The following PKNOX2 variants were observed in gnomAD, a reference collection of about 807,000 sequenced individuals.
The protein encoded by PKNOX2 is homeobox protein PKNOX2.
A neutral mutation model predicts 53.1 loss-of-function variants in PKNOX2; 14 were observed. The ratio of observed to expected loss-of-function variants is 0.26; its 90% confidence interval spans 0.17 to 0.41. The LOEUF (loss-of-function observed/expected upper bound fraction) is 0.41, where lower values mean the gene tolerates loss of function less well. PKNOX2 is among the 10% of genes least tolerant of loss of function. The pLI is 1.00. For missense variants in PKNOX2, 496 were observed against 602.8 expected (o/e 0.82, Z 1.85); for synonymous variants, 257 against 242.8 (o/e 1.06, Z -0.54).
intron 5 of PKNOX2, among the ~76,000 whole-genome samples, chr11:125,382,971 C>G (rs544283985): frequency 6.6e-6 from 1 of 152,204 alleles, no homozygotes; most frequent in Middle Eastern, 3.4e-3. Context: ...GTCTGCAGCC[C>G]TGGGGCCCAG....
At chr11:125,230,543 T>C (rs1942120472) in intron 1 of PKNOX2, among the ~76,000 whole-genome samples, 1 of 152,180 alleles carries the variant, frequency 6.6e-6, no homozygotes, top group Non-Finnish European at 1.5e-5. Flanking sequence ...TTCTGGAAGG[T>C]TGGCTTATAG....
chr11:125,288,539 C>T (rs778736221), intron 2 of PKNOX2, among the ~76,000 whole-genome samples: 23 of 152,224 alleles, frequency 1.5e-4, no homozygotes, highest in African/African-American at 2.2e-4. Flanking sequence ...TTCAAGTCCT[C>T]ATGGCCCATC....
At chr11:125,259,739 G>T (rs1036905426) in intron 2 of PKNOX2, among the ~76,000 whole-genome samples, 12 of 152,210 alleles carry the variant, frequency 7.9e-5, no homozygotes, top group Non-Finnish European at 1.0e-4. Context: ...CTATGGGCAG[G>T]CTGGCTGGGA....
In PKNOX2 at chr11:125,165,610, G is replaced by A. The variant is rs1954807371; in HGVS notation, c.-201+834G>A. Reference sequence around the variant, plus strand: ...CAGTGGAGACAGGGGAACACCGGCGGGGCCCGGGAAGCCAGGATCCGAGGG... The same window carrying A: ...CAGTGGAGACAGGGGAACACCGGCGAGGCCCGGGAAGCCAGGATCCGAGGG... On this transcript the variant is annotated intron_variant, in intron 1 of 12. Coordinates refer to ENST00000298282, the MANE Select transcript of PKNOX2 (RefSeq NM_001382323.2). The surrounding 1 kb of genome is among the most constrained non-coding windows in gnomAD (Gnocchi z 4.5). 6.6e-6 allele frequency among the ~76,000 whole-genome samples: 1 copy of A among 152,182 alleles called. No individual in the cohort carries two copies. The highest frequency in any genetic ancestry group is 1.5e-5 in the Non-Finnish European group (1 of 68,018).
chr11:125,294,445 G>A (rs1350342152), intron 2 of PKNOX2, among the ~76,000 whole-genome samples: 1 of 152,220 alleles, frequency 6.6e-6, no homozygotes, highest in African/African-American at 2.4e-5. Context: ...GAGTAGAGAA[G>A]GTGGGAGAAG....
intron 2 of PKNOX2, among the ~76,000 whole-genome samples, chr11:125,272,124 G>A (rs1044333156): frequency 6.6e-6 from 1 of 152,224 alleles, no homozygotes; most frequent in East Asian, 1.9e-4. Flanking sequence ...GATACAAATT[G>A]CATGGAGGCT....
At chr11:125,239,113 A>G (rs1942959543) in intron 2 of PKNOX2, among the ~76,000 whole-genome samples, 1 of 152,228 alleles carries the variant, frequency 6.6e-6, no homozygotes, top group Non-Finnish European at 1.5e-5. Flanking sequence ...TTGGAAAGAA[A>G]GGCTATTCCT....
chr11:125,178,323 C>T (rs1346129605), intron 1 of PKNOX2, among the ~76,000 whole-genome samples: 1 of 151,722 alleles, frequency 6.6e-6, no homozygotes, highest in Non-Finnish European at 1.5e-5. Flanking sequence ...ACCAGCCTGA[C>T]CAACAAGGAG....
intron 4 of PKNOX2, among the ~76,000 whole-genome samples, chr11:125,366,829 T>C (rs1952214664): frequency 6.6e-6 from 1 of 152,264 alleles, no homozygotes; most frequent in African/African-American, 2.4e-5. Context: ...ATTAATTCAT[T>C]TATTCACTCA....
chr11:125,413,136 T>C (rs887852398), intron 10 of PKNOX2, among the ~76,000 whole-genome samples: 2 of 152,162 alleles, frequency 1.3e-5, no homozygotes, highest in African/African-American at 4.8e-5. Flanking sequence ...TGAGTACATT[T>C]TGAAAGCACT....
At chr11:125,255,018 G>A (rs1311113186) in intron 2 of PKNOX2, among the ~76,000 whole-genome samples, 3 of 152,176 alleles carry the variant, frequency 2.0e-5, no homozygotes, top group South Asian at 2.1e-4. Flanking sequence ...AGGATGCAAC[G>A]CGAATGATAC....
At chr11:125,217,169 G>A (rs948134626) in intron 1 of PKNOX2, among the ~76,000 whole-genome samples, 40 of 152,110 alleles carry the variant, frequency 2.6e-4, no homozygotes, top group Non-Finnish European at 3.7e-4. Context: ...ACAACAGCAC[G>A]CTGGTGATAT....
At chr11:125,187,645 A>G (rs1032785479) in intron 1 of PKNOX2, among the ~76,000 whole-genome samples, 2 of 151,068 alleles carry the variant, frequency 1.3e-5, no homozygotes, top group Non-Finnish European at 2.9e-5. Flanking sequence ...TTCCTTTTCA[A>G]TTTGGATGCC....
chr11:125,280,828 G>A (rs1463774023), intron 2 of PKNOX2, among the ~76,000 whole-genome samples: 1 of 152,178 alleles, frequency 6.6e-6, no homozygotes, highest in East Asian at 1.9e-4. Context: ...TGGTTGTCAC[G>A]ATGCCAGGGT....
intron 1 of PKNOX2, among the ~76,000 whole-genome samples, chr11:125,227,030 G>A (rs1253781462): frequency 2.0e-5 from 3 of 151,846 alleles, no homozygotes; most frequent in Non-Finnish European, 4.4e-5. Context: ...AAGATCTCAG[G>A]CTCTTTATTT....
intron 2 of PKNOX2, among the ~76,000 whole-genome samples, chr11:125,318,044 A>G (rs1304172316): frequency 6.6e-6 from 1 of 152,172 alleles, no homozygotes; most frequent in Non-Finnish European, 1.5e-5. Flanking sequence ...TTGCACTTTT[A>G]TGTTATAGAG....
At chr11:125,288,867 A>T (rs960674326) in intron 2 of PKNOX2, among the ~76,000 whole-genome samples, 3 of 152,196 alleles carry the variant, frequency 2.0e-5, no homozygotes. Flanking sequence ...GGTGCTTTGT[A>T]CGTATTTCTT....
chr11:125,328,302 T>C (rs912117261), intron 2 of PKNOX2, among the ~76,000 whole-genome samples: 1 of 150,546 alleles, frequency 6.6e-6, no homozygotes, highest in Non-Finnish European at 1.5e-5. Context: ...CCCACTAGAC[T>C]GTAAACACCT....
chr11:125,319,009 A>T (rs191928307), intron 2 of PKNOX2, among the ~76,000 whole-genome samples: 1 of 152,196 alleles, frequency 6.6e-6, no homozygotes, highest in Non-Finnish European at 1.5e-5. Context: ...TCTTTTGTTC[A>T]TAAATTACCC....
Sources: allele counts gnomAD v4.1 joint callset (sites outside exome capture counted in the v4.1 genomes callset), GRCh38; gene constraint gnomAD v4.1.1; non-coding constraint Gnocchi (gnomAD v3.1); transcripts MANE v1.5; gene names NCBI Gene and HGNC (gene_info 2026-07-23, HGNC 2026-07-21).